UMAD1: variants seen among roughly 807,000 people sequenced by gnomAD.
UMAD1 encodes UBAP1-MVB12-associated (UMA) domain containing 1.
UMAD1 carries 8 observed loss-of-function variants against 6.1 expected under a neutral mutation model. The observed-to-expected ratio is 1.30, with a 90% CI of 0.76 to 2.35. The LOEUF is 2.35. Ranked by LOEUF, UMAD1 falls within the 30% of genes most tolerant of loss-of-function variation. The pLI is 0.00. For synonymous variants in UMAD1, 56 were observed against 31.4 expected, an observed-to-expected ratio of 1.78 and a Z score of -2.61; for missense variants, 130 against 78.4, an observed-to-expected ratio of 1.66 and a Z score of -2.49.
chr7:7,829,112 C>T (rs1394463414), intron 3 of UMAD1, among the ~76,000 whole-genome samples: 1 of 152,168 alleles, frequency 6.6e-6, no homozygotes, highest in East Asian at 1.9e-4. Flanking sequence ...CTTTTTCTAG[C>T]AGTTCTTACC....
intron 2 of UMAD1, among the ~76,000 whole-genome samples, chr7:7,745,797 C>G (rs1444522611): frequency 2.6e-5 from 4 of 152,170 alleles, no homozygotes; most frequent in African/African-American, 9.7e-5. Flanking sequence ...CATTTTCTTT[C>G]CATTCCCCCT....
intron 2 of UMAD1, among the ~76,000 whole-genome samples, chr7:7,781,053 T>C (rs779277288): frequency 3.3e-5 from 5 of 152,196 alleles, no homozygotes; most frequent in Admixed American, 6.5e-5. Flanking sequence ...TAAAAGCTTA[T>C]ACATTCTTCA....
intron 3 of UMAD1, among the ~76,000 whole-genome samples, chr7:7,819,296 AAT>A (rs1457794999): frequency 6.8e-6 from 1 of 147,360 alleles, no homozygotes; most frequent in Non-Finnish European, 1.5e-5. Context: ...TCAAACCATG[AAT>A]ATATTACTTC....
intron 3 of UMAD1, among the ~76,000 whole-genome samples, chr7:7,838,961 G>T (rs1426276319): frequency 6.6e-6 from 1 of 152,034 alleles, no homozygotes; most frequent in African/African-American, 2.4e-5. Flanking sequence ...AGCAAAACAA[G>T]AATAAACGCA....
At chr7:7,743,657 G>A (rs1781515566) in intron 2 of UMAD1, among the ~76,000 whole-genome samples, 1 of 151,360 alleles carries the variant, frequency 6.6e-6, no homozygotes, top group African/African-American at 2.4e-5. Flanking sequence ...TATTAAAGCA[G>A]GGGAAAGTAA....
At chr7:7,809,669 T>C (rs1782985541) in intron 3 of UMAD1, among the ~76,000 whole-genome samples, 1 of 151,970 alleles carries the variant, frequency 6.6e-6, no homozygotes, top group South Asian at 2.1e-4. Context: ...ACTGAGACTT[T>C]GTCCCTTTTG....
intron 2 of UMAD1, among the ~76,000 whole-genome samples, chr7:7,723,526 A>G (rs563595523): frequency 2.6e-5 from 4 of 152,264 alleles, no homozygotes; most frequent in Non-Finnish European, 5.9e-5. Flanking sequence ...GGTGGAGTGG[A>G]TTAGTCACTT....
At chr7:7,847,315 T>C (rs1783822773) in intron 3 of UMAD1, among the ~76,000 whole-genome samples, 2 of 150,518 alleles carry the variant, frequency 1.3e-5, no homozygotes, top group South Asian at 4.2e-4. Flanking sequence ...TGCTTCACAG[T>C]TTACATAGCT....
At chr7:7,753,363 A>T (rs180936621) in intron 2 of UMAD1, among the ~76,000 whole-genome samples, 4 of 152,262 alleles carry the variant, frequency 2.6e-5, no homozygotes, top group Admixed American at 2.6e-4. Flanking sequence ...ATATTTGGTC[A>T]TATTGATTCT....
chr7:7,678,812 A>T (rs1416454846), intron 2 of UMAD1, among the ~76,000 whole-genome samples: 1 of 35,768 alleles, frequency 2.8e-5, no homozygotes, highest in Non-Finnish European at 4.4e-5. Flanking sequence ...ATATATTTAT[A>T]TATTTAGTTT....
intron 2 of UMAD1, among the ~76,000 whole-genome samples, chr7:7,730,170 T>C (rs1410870840): frequency 2.0e-5 from 3 of 152,232 alleles, no homozygotes; most frequent in Non-Finnish European, 4.4e-5. Flanking sequence ...CTGTCAGCTC[T>C]CTTCTGTGGT....
At position 7,832,411 on chromosome 7, in the gene UMAD1, G is replaced by GGACT. The variant is rs1469440829; in HGVS notation, c.156+30671_156+30674dup. Reference sequence around the variant, plus strand: ...TTATATCCTCCTTACTCACTAAAGAGGACTGATCCTCTCTTCCCAGATATG... The same window carrying GGACT: ...TTATATCCTCCTTACTCACTAAAGAGGACTGACTGATCCTCTCTTCCCAGATATG... On this transcript the variant is annotated intron_variant, in intron 3 of 3. Coordinates refer to ENST00000682710, the MANE Select transcript of UMAD1 (RefSeq NM_001302348.2). Among the ~76,000 whole-genome samples, 13 of 152,056 alleles carry GGACT rather than the reference G, an allele frequency of 8.5e-5. No individual in the cohort carries two copies. In the South Asian group the frequency reaches 2.7e-3, roughly 32 times the overall value.
chr7:7,693,696 CTT>C (rs1563128869), intron 2 of UMAD1, among the ~76,000 whole-genome samples: 5 of 151,974 alleles, frequency 3.3e-5, no homozygotes, highest in African/African-American at 1.2e-4. Context: ...TTTATAATGA[CTT>C]TATTACAATT....
At chr7:7,773,060 G>T (rs1563194338) in intron 2 of UMAD1, among the ~76,000 whole-genome samples, 1 of 152,128 alleles carries the variant, frequency 6.6e-6, no homozygotes, top group Non-Finnish European at 1.5e-5. Flanking sequence ...TAGAATAATT[G>T]CTTGTTTTTG....
intron 3 of UMAD1, among the ~76,000 whole-genome samples, chr7:7,870,755 G>A (rs1784317776): frequency 6.6e-6 from 1 of 152,150 alleles, no homozygotes; most frequent in South Asian, 2.1e-4. Context: ...GCCAACAGCA[G>A]CTGCATCATG....
chr7:7,710,695 G>T (rs1048724422), intron 2 of UMAD1, among the ~76,000 whole-genome samples: 2 of 152,138 alleles, frequency 1.3e-5, no homozygotes, highest in Admixed American at 6.6e-5. Flanking sequence ...TACACTTTGG[G>T]CATTTATCCC....
chr7:7,676,072 A>G (rs1294838361), intron 2 of UMAD1: 1 of 398,276 alleles, frequency 2.5e-6, no homozygotes, highest in Non-Finnish European at 4.4e-6. Flanking sequence ...TTCTCTTTTC[A>G]TCATTCATCC....
At chr7:7,747,143 G>A (rs1009283206) in intron 2 of UMAD1, among the ~76,000 whole-genome samples, 12 of 152,110 alleles carry the variant, frequency 7.9e-5, no homozygotes, top group African/African-American at 2.7e-4. Flanking sequence ...TAGCCATTAG[G>A]CCATGAAGAC....
At chr7:7,649,608 A>AT (rs1192847108) in intron 1 of UMAD1, among the ~76,000 whole-genome samples, 2 of 151,412 alleles carry the variant, frequency 1.3e-5, no homozygotes, top group Non-Finnish European at 2.9e-5. Context: ...TTTTGCATTG[A>AT]TTTTTTTGTT....
Sources: gnomAD v4.1 joint callset for allele counts (sites outside exome capture counted in the v4.1 genomes callset) on GRCh38, gnomAD v4.1.1 for gene constraint, MANE v1.5 for transcripts, NCBI Gene and HGNC (gene_info 2026-07-23, HGNC 2026-07-21) for gene names.